Variants in JPH3 observed in about 807,000 individuals in gnomAD.
The protein encoded by JPH3 is junctophilin-3.
In JPH3, 11 loss-of-function variants were observed where a neutral mutation model predicts 59.6. That is an observed-to-expected ratio of 0.18 (90% CI 0.12 to 0.31). JPH3 has a LOEUF of 0.31. Ranked by LOEUF, JPH3 falls within the 10% of genes least tolerant of loss-of-function variation. The pLI is 1.00. For missense variants in JPH3, 1,202 were observed against 1,105.7 expected (o/e 1.09, Z -1.24); for synonymous variants, 673 against 483.6 (o/e 1.39, Z -5.14).
At chr16:87,662,599 C>G (rs920449741) in intron 2 of JPH3, among the ~76,000 whole-genome samples, 3 of 152,200 alleles carry the variant, frequency 2.0e-5, no homozygotes, top group African/African-American at 7.2e-5. Context: ...GCCCTCCTTT[C>G]CTGGCCCCCT....
At chr16:87,608,383 C>G (rs2030606301) in intron 1 of JPH3, among the ~76,000 whole-genome samples, 2 of 152,186 alleles carry the variant, frequency 1.3e-5, no homozygotes, top group Non-Finnish European at 2.9e-5. Context: ...CTTGTGAGTA[C>G]TAGAGGAGAG....
chr16:87,666,899 C>A (rs1020351677), intron 2 of JPH3, among the ~76,000 whole-genome samples: 1 of 152,230 alleles, frequency 6.6e-6, no homozygotes, highest in Non-Finnish European at 1.5e-5. Flanking sequence ...GGGCTGGGAT[C>A]TGAACCCAGG....
At chr16:87,665,602 C>T (rs1427362538) in intron 2 of JPH3, among the ~76,000 whole-genome samples, 2 of 152,198 alleles carry the variant, frequency 1.3e-5, no homozygotes, top group African/African-American at 2.4e-5. Context: ...GCCCCATGCC[C>T]CACATAGCTC....
rs1300743987 is a variant in JPH3 at position 87,697,618 on chromosome 16, G to T, written c.*958G>T. On this transcript the variant is annotated 3_prime_UTR_variant, in exon 5 of 5. Transcript: ENST00000284262. Reference sequence around the variant, plus strand: ...GATCTCCACGGGTTTTCACATCTCTGTACTGTGCCTGCCTCAACTTCCCCT... The same window carrying T: ...GATCTCCACGGGTTTTCACATCTCTTTACTGTGCCTGCCTCAACTTCCCCT... The T allele has an allele frequency of 6.6e-6, 1 of 152,276 alleles. No homozygotes were observed. Among genetic ancestry groups the T allele is most frequent in the Non-Finnish European group, 1.5e-5 (1 of 68,104 alleles). 9.4% of individuals were successfully genotyped at this position (152,276 alleles called of 1,614,324 possible).
chr16:87,693,009 G>A (rs1011874878), intron 4 of JPH3, among the ~76,000 whole-genome samples: 1 of 152,254 alleles, frequency 6.6e-6, no homozygotes, highest in African/African-American at 2.4e-5. Flanking sequence ...GGGCAGGGCT[G>A]GGCCCTTGGC....
intron 2 of JPH3, among the ~76,000 whole-genome samples, chr16:87,652,985 A>G (rs1169026001): frequency 2.0e-5 from 3 of 152,200 alleles, no homozygotes; most frequent in Non-Finnish European, 4.4e-5. Flanking sequence ...TCCTGCGGGC[A>G]TAGCAGGAAG....
intron 1 of JPH3, among the ~76,000 whole-genome samples, chr16:87,637,712 C>T (rs182809553): frequency 5.7e-4 from 86 of 152,184 alleles, no homozygotes; most frequent in African/African-American, 1.8e-3. Context: ...AAGGCCATTC[C>T]GCCTCGTGGT....
chr16:87,665,223 G>A (rs1284216869), intron 2 of JPH3, among the ~76,000 whole-genome samples: 5 of 152,286 alleles, frequency 3.3e-5, no homozygotes, highest in African/African-American at 7.2e-5. Flanking sequence ...TTTCCCATCC[G>A]GGACCCCTGA....
At chr16:87,666,464 T>C (rs1434162775) in intron 2 of JPH3, among the ~76,000 whole-genome samples, 2 of 151,728 alleles carry the variant, frequency 1.3e-5, no homozygotes, top group South Asian at 4.2e-4. Context: ...CAGTCATGGC[T>C]CACTTCAGCC....
In JPH3 at chr16:87,663,453, G is replaced by A. The variant is rs544644548; in HGVS notation, c.1160+18418G>A. Among the ~76,000 whole-genome samples the A allele has an allele frequency of 4.6e-5, 7 of 152,310 alleles. No individual in the cohort carries two copies. In the South Asian group the frequency reaches 8.3e-4, roughly 18 times the overall value. ...GTTGGACAGTCGGTTTTGCTACAAAGCTTGTTTTGAAAATGAGAGTTGGTT... is the reference window on the plus strand; with the variant it reads ...GTTGGACAGTCGGTTTTGCTACAAAACTTGTTTTGAAAATGAGAGTTGGTT... On this transcript the variant is annotated intron_variant, in intron 2 of 4. Transcript: ENST00000284262.
At chr16:87,664,577 A>T (rs2032804618) in intron 2 of JPH3, among the ~76,000 whole-genome samples, 1 of 152,142 alleles carries the variant, frequency 6.6e-6, no homozygotes, top group African/African-American at 2.4e-5. Flanking sequence ...GTGAGCCGAG[A>T]TCGCGCCATT....
chr16:87,618,352 G>A (rs1389379784), intron 1 of JPH3, among the ~76,000 whole-genome samples: 3 of 152,118 alleles, frequency 2.0e-5, no homozygotes, highest in African/African-American at 2.4e-5. Context: ...GGAGGAGGGC[G>A]TGGACAGGCC....
intron 1 of JPH3, among the ~76,000 whole-genome samples, chr16:87,635,281 C>G (rs72810145): frequency 6.6e-6 from 1 of 152,046 alleles, no homozygotes; most frequent in Non-Finnish European, 1.5e-5. Context: ...GGTGGAGCAC[C>G]TGGTGAGGGC....
chr16:87,675,243 A>G (rs527292064), intron 2 of JPH3, among the ~76,000 whole-genome samples: 23 of 124,228 alleles, frequency 1.9e-4, no homozygotes, highest in Non-Finnish European at 2.9e-4. Flanking sequence ...GGCCTTTTGC[A>G]TCCTGGAGCT....
intron 1 of JPH3, among the ~76,000 whole-genome samples, chr16:87,620,457 AGAGAGAGG>A: frequency 1.1e-5 from 1 of 94,894 alleles, no homozygotes; most frequent in African/African-American, 4.0e-5. Flanking sequence ...AGAGAGAAGG[AGAGAGAGG>A]GAGAGAAGGA....
At chr16:87,685,558 A>G (rs1316766525) in intron 3 of JPH3, among the ~76,000 whole-genome samples, 1 of 152,230 alleles carries the variant, frequency 6.6e-6, no homozygotes, top group East Asian at 1.9e-4. Context: ...GTGCACGTGC[A>G]TGTGGGGAGT....
intron 1 of JPH3, among the ~76,000 whole-genome samples, chr16:87,615,499 C>A (rs971986764): frequency 5.3e-5 from 8 of 152,208 alleles, no homozygotes; most frequent in African/African-American, 1.4e-4. Context: ...GGCCCTGGAG[C>A]TTTCCCTGTT....
At chr16:87,690,583 A>T in intron 4 of JPH3, 57 bp downstream of exon 4, 2 of 1,412,002 alleles carry the variant, frequency 1.4e-6, no homozygotes, top group East Asian at 2.6e-5. Context: ...CTCTCTGCTG[A>T]CCTGGTGTTT....
chr16:87,663,338 C>T (rs1213189373), intron 2 of JPH3, among the ~76,000 whole-genome samples: 2 of 152,148 alleles, frequency 1.3e-5, no homozygotes, highest in Non-Finnish European at 2.9e-5. Flanking sequence ...AAACTCCTGA[C>T]CTCAAGTGCT....
Sources: allele counts gnomAD v4.1 joint callset (sites outside exome capture counted in the v4.1 genomes callset), GRCh38; gene constraint gnomAD v4.1.1; transcripts MANE v1.5; gene names NCBI Gene and HGNC (gene_info 2026-07-23, HGNC 2026-07-21).